PIAS4: variants seen among roughly 807,000 people sequenced by gnomAD.
PIAS4 encodes the protein protein inhibitor of activated STAT 4, also known as E3 SUMO-protein ligase PIAS4.
In PIAS4, 7 loss-of-function variants were observed where a neutral mutation model predicts 58.0. That is an observed-to-expected ratio of 0.12 (90% confidence interval 0.07 to 0.23). PIAS4 has a LOEUF of 0.23. PIAS4 is among the 10% of genes least tolerant of loss of function. The probability of loss-of-function intolerance (pLI) is 1.00; values close to 1 mark genes in which losing one functional copy is unlikely to be tolerated. For synonymous variants in PIAS4, 364 were observed against 312.4 expected (o/e 1.17, Z -1.74); for missense variants, 550 against 709.5 (o/e 0.78, Z 2.55).
Position 4,037,685 on chromosome 19 carries a change from G to C in PIAS4, c.1343G>C (p.Gly448Ala). The change falls in exon 11 of 11, where the codon GGT becomes GCT. Residue 448 changes from glycine to alanine, a missense_variant. This residue lies in a region of PIAS4 where 188 missense variants were observed against 192.0 expected (regional missense o/e 0.98). Coordinates refer to ENST00000262971, the MANE Select transcript of PIAS4 (RefSeq NM_015897.4). This position sits in a 1 kb window ranked among gnomAD's most constrained non-coding sequence, Gnocchi z 5.8. ...GGGAGCGGTGCCCTGGGCAGCACGGGTGGCGGCGGCCCGGTGGGCAGCATG... is the reference window on the plus strand; with the variant it reads ...GGGAGCGGTGCCCTGGGCAGCACGGCTGGCGGCGGCCCGGTGGGCAGCATG... ...VNGSGALGST[G>A]GGGPVGSMEN... 6.2e-7 allele frequency: 1 copy of C among 1,611,996 alleles called. No homozygotes were observed. The highest frequency in any genetic ancestry group is 8.5e-7 in the Non-Finnish European group (1 of 1,179,644).
intron 7 of PIAS4, among the ~76,000 whole-genome samples, chr19:4,032,275 A>G (rs1400221476): frequency 1.3e-5 from 2 of 152,060 alleles, no homozygotes; most frequent in Non-Finnish European, 2.9e-5. Context: ...TCCTGGAGGA[A>G]GCAACACTGG....
intron 3 of PIAS4, among the ~76,000 whole-genome samples, chr19:4,026,745 C>T (rs536203609): frequency 3.9e-5 from 6 of 152,200 alleles, no homozygotes; most frequent in South Asian, 2.1e-4. Flanking sequence ...TGCAGTGTCG[C>T]GATCTCAGTT....
chr19:4,021,155 C>T (rs2040105026), intron 2 of PIAS4, among the ~76,000 whole-genome samples: 1 of 151,502 alleles, frequency 6.6e-6, no homozygotes, highest in African/African-American at 2.4e-5. Context: ...TTTATTTTAC[C>T]TCATTTTATA....
rs988999965 is a variant in PIAS4 at position 4,013,612 on chromosome 19, G to A, written c.454+263G>A. Among the ~76,000 whole-genome samples, 1 of 152,094 alleles carries A rather than the reference G, an allele frequency of 6.6e-6. No individual in the cohort carries two copies. Among genetic ancestry groups the A allele is most frequent in the African/African-American group, 2.4e-5 (1 of 41,436 alleles). ...GTTAGCTCTCAGGAACCTGTGAGCT[G>A]TGTTGCGGGGCATTGGGGCTTGGGG... is the stretch of plus-strand genomic sequence containing the variant. On this transcript the variant is annotated intron_variant, in intron 2 of 10. Coordinates refer to ENST00000262971, the MANE Select transcript of PIAS4 (RefSeq NM_015897.4). The surrounding 1 kb of genome is among the most constrained non-coding windows in gnomAD (Gnocchi z 5.1).
chr19:4,036,165 A>C (rs1031353451), intron 9 of PIAS4, among the ~76,000 whole-genome samples: 29 of 5,902 alleles, frequency 4.9e-3, no homozygotes, highest in African/African-American at 0.01. Context: ...CCGTCATACA[A>C]ACACACACAC....
At chr19:4,021,233 A>G (rs1184362737) in intron 2 of PIAS4, among the ~76,000 whole-genome samples, 15 of 151,568 alleles carry the variant, frequency 9.9e-5, no homozygotes, top group Admixed American at 9.9e-4. Context: ...GCTCACTGCA[A>G]CCTCCGCCTT....
chr19:4,038,626 G>T lies in PIAS4; in HGVS notation c.*751G>T. 6.5e-6 allele frequency: 1 copy of T among 152,816 alleles called. No homozygotes were observed. The highest frequency in any genetic ancestry group is 1.9e-4 in the South Asian group (1 of 5,256). 9.5% of individuals were successfully genotyped at this position (152,816 alleles called of 1,614,324 possible). On this transcript the variant is annotated 3_prime_UTR_variant, in exon 11 of 11. Coordinates refer to ENST00000262971, the MANE Select transcript of PIAS4 (RefSeq NM_015897.4). This position sits in a 1 kb window ranked among gnomAD's most constrained non-coding sequence, Gnocchi z 4.1. Reference sequence around the variant, plus strand: ...AGGGTGCGGCACCGTGTGGCGTGGGGGGGTCTCAGTTTTCTAGCCAGCTAC... The same window carrying T: ...AGGGTGCGGCACCGTGTGGCGTGGGTGGGTCTCAGTTTTCTAGCCAGCTAC...
chr19:4,021,255 C>T (rs368550751), intron 2 of PIAS4, among the ~76,000 whole-genome samples: 53 of 152,232 alleles, frequency 3.5e-4, no homozygotes, highest in African/African-American at 1.0e-3. Context: ...TGGGTTTAAG[C>T]GATTCTCCTC....
chr19:4,037,334 G>GGGGGGGGGGGGGGGGGGGGGGGGGGC lies in PIAS4; in HGVS notation c.1143-40_1143-39insGGGGGGGGGGGGGGGGGGGGGGGGGC. On this transcript the variant is annotated intron_variant, in intron 9 of 10. Transcript: ENST00000262971. This position sits in a 1 kb window ranked among gnomAD's most constrained non-coding sequence, Gnocchi z 5.8. Reference sequence around the variant, plus strand: ...AGGGCTGGGGAGTTGGGGGGGTGGGGCACCTCCAGCCCCGGCGTCAGCTGT... The same window carrying GGGGGGGGGGGGGGGGGGGGGGGGGGC: ...AGGGCTGGGGAGTTGGGGGGGTGGGGGGGGGGGGGGGGGGGGGGGGGGGGGCCACCTCCAGCCCCGGCGTCAGCTGT... The GGGGGGGGGGGGGGGGGGGGGGGGGGC allele has an allele frequency of 6.6e-7, 1 of 1,511,332 alleles. No homozygotes were observed. The highest frequency in any genetic ancestry group is 9.0e-7 in the Non-Finnish European group (1 of 1,107,430). 93.6% of individuals were successfully genotyped at this position (1,511,332 alleles called of 1,614,324 possible). A position where few individuals can be genotyped will look rare whatever the true frequency, so the allele number is the denominator to read the frequency against.
Position 4,007,872 on chromosome 19 carries a change from C to A in PIAS4, c.27+85C>A, listed in dbSNP as rs529620772. 1.5e-5 allele frequency: 16 copies of A among 1,076,768 alleles called. No homozygotes were observed. In the African/African-American group the frequency reaches 2.6e-4, roughly 18 times the overall value. 66.7% of individuals were successfully genotyped at this position (1,076,768 alleles called of 1,614,324 possible). On this transcript the variant is annotated intron_variant, in intron 1 of 10. Coordinates refer to ENST00000262971, the MANE Select transcript of PIAS4 (RefSeq NM_015897.4). Reference sequence around the variant, plus strand: ...GCAGGTCGAGGTCTGCGCCTTCTGTCCGGGGCCCCACAGCGCGGCCGGCCC... The same window carrying A: ...GCAGGTCGAGGTCTGCGCCTTCTGTACGGGGCCCCACAGCGCGGCCGGCCC...
chr19:4,008,928 TCTATTATACTTTGGGTCCTGTCCA>T (rs1302587555), intron 1 of PIAS4, among the ~76,000 whole-genome samples: 1 of 152,204 alleles, frequency 6.6e-6, no homozygotes, highest in Non-Finnish European at 1.5e-5. Flanking sequence ...TTGCTGCTGC[TCTATTATACTTTGGGTCCTGTCCA>T]GGTCCCATGT....
intron 2 of PIAS4, among the ~76,000 whole-genome samples, chr19:4,014,859 C>T (rs1166944306): frequency 6.6e-6 from 1 of 152,206 alleles, no homozygotes; most frequent in African/African-American, 2.4e-5. Context: ...CCCCTCCCAT[C>T]TGCAGCCCTG....
intron 9 of PIAS4, among the ~76,000 whole-genome samples, chr19:4,036,223 TAC>T (rs1393349621): frequency 8.7e-5 from 1 of 11,462 alleles, no homozygotes; most frequent in Admixed American, 1.6e-3. Context: ...CACACTGTCA[TAC>T]ACACACACAT....
At chr19:4,015,708 G>A (rs764172593) in intron 2 of PIAS4, among the ~76,000 whole-genome samples, 22 of 152,144 alleles carry the variant, frequency 1.4e-4, no homozygotes, top group Non-Finnish European at 2.1e-4. Context: ...GGCCTTGCCC[G>A]GGGGCCGCCT....
At chr19:4,020,684 T>A (rs1181509038) in intron 2 of PIAS4, among the ~76,000 whole-genome samples, 3 of 152,228 alleles carry the variant, frequency 2.0e-5, no homozygotes, top group Non-Finnish European at 4.4e-5. Flanking sequence ...GGTCTCGAAC[T>A]TCTGAGCCCA....
chr19:4,014,556 C>A (rs1233160828), intron 2 of PIAS4, among the ~76,000 whole-genome samples: 1 of 152,234 alleles, frequency 6.6e-6, no homozygotes. Flanking sequence ...TGCCTCCCCT[C>A]CCCTGCCCCC....
intron 2 of PIAS4, among the ~76,000 whole-genome samples, chr19:4,014,723 C>T (rs2040034048): frequency 6.6e-6 from 1 of 152,252 alleles, no homozygotes; most frequent in Non-Finnish European, 1.5e-5. Context: ...ACCTGCCTGG[C>T]CCCTGCTGTG....
In PIAS4 at chr19:4,038,132, C is replaced by T. The variant is rs2040322296; in HGVS notation, c.*257C>T. On this transcript the variant is annotated 3_prime_UTR_variant, in exon 11 of 11. Coordinates refer to ENST00000262971, the MANE Select transcript of PIAS4 (RefSeq NM_015897.4). This position sits in a 1 kb window ranked among gnomAD's most constrained non-coding sequence, Gnocchi z 4.1. ...GTCAAACTCTTAAAAACAAGGCCGG[C>T]CACCCACACAGCCGCCTCCCCGGCT... 4 of 454,254 alleles carry T rather than the reference C, an allele frequency of 8.8e-6. No individual in the cohort carries two copies. The highest frequency in any genetic ancestry group is 6.0e-4 in the Middle Eastern group (1 of 1,678). The allele number at this position is 454,254 out of a possible 1,614,324, so 28.1% of individuals were successfully genotyped here. A position where few individuals can be genotyped will look rare whatever the true frequency, so the allele number is the denominator to read the frequency against.
intron 4 of PIAS4, 107 bp downstream of exon 4, chr19:4,028,294 A>G (rs1349593684): frequency 3.6e-5 from 32 of 891,994 alleles, no homozygotes; most frequent in Non-Finnish European, 5.0e-5. Flanking sequence ...TGCTAACAGC[A>G]GAGCCCAGCT....
Sources: gnomAD v4.1 joint callset for allele counts (sites outside exome capture counted in the v4.1 genomes callset) on GRCh38, gnomAD v4.1.1 for gene constraint, gnomAD v4.1.1 regional missense constraint, Gnocchi (gnomAD v3.1) non-coding constraint, MANE v1.5 for transcripts, NCBI Gene and HGNC (gene_info 2026-07-23, HGNC 2026-07-21) for gene names.